TXLNB: variants seen among roughly 807,000 people sequenced by gnomAD.
TXLNB encodes beta-taxilin.
A neutral mutation model predicts 57.4 loss-of-function variants in TXLNB; 37 were observed. The observed-to-expected ratio is 0.64, with a 90% confidence interval of 0.50 to 0.85. The LOEUF is 0.85. TXLNB is among the 40% of genes least tolerant of loss of function. The pLI is 0.00. For synonymous variants in TXLNB, 302 were observed against 309.6 expected (o/e 0.98, Z 0.26); for missense variants, 848 against 825.6 (o/e 1.03, Z -0.33).
intron 7 of TXLNB, among the ~76,000 whole-genome samples, chr6:139,249,750 C>T (rs1490307180): frequency 2.6e-5 from 4 of 152,118 alleles, no homozygotes; most frequent in Non-Finnish European, 5.9e-5. Context: ...TAACATAAAT[C>T]ATTTCGGTAG....
At chr6:139,226,920 G>A in the TXLNB span, among the ~76,000 whole-genome samples, 77 of 152,162 alleles carry the variant, frequency 5.1e-4, no homozygotes, top group African/African-American at 1.3e-3. Context: ...CCAGCTACGC[G>A]GGAGGCTTAG....
chr6:139,278,434 T>C (rs1180416645), intron 2 of TXLNB, among the ~76,000 whole-genome samples: 9 of 152,240 alleles, frequency 5.9e-5, no homozygotes, highest in Admixed American at 5.9e-4. Flanking sequence ...TCTCCAATTA[T>C]GGCCTGTGGC....
the TXLNB span, among the ~76,000 whole-genome samples, chr6:139,216,368 G>T: frequency 6.7e-6 from 1 of 150,020 alleles, no homozygotes; most frequent in Non-Finnish European, 1.5e-5. Context: ...GCAAACTATC[G>T]CAAGGACAAA....
chr6:139,254,262 A>T (rs1368668126), intron 7 of TXLNB, among the ~76,000 whole-genome samples: 3 of 152,106 alleles, frequency 2.0e-5, no homozygotes, highest in African/African-American at 7.3e-5. Context: ...GCAGTAGTAT[A>T]ATCTGTGATT....
the TXLNB span, among the ~76,000 whole-genome samples, chr6:139,182,073 A>G: frequency 1.3e-5 from 2 of 152,220 alleles, no homozygotes; most frequent in Non-Finnish European, 2.9e-5. Context: ...CTGACTTCAT[A>G]TACTGTGATC....
At chr6:139,174,927 G>T in the TXLNB span, among the ~76,000 whole-genome samples, 7 of 152,082 alleles carry the variant, frequency 4.6e-5, no homozygotes, top group African/African-American at 1.7e-4. Flanking sequence ...GATTCTGTAT[G>T]ATTAGCTTAT....
intron 4 of TXLNB, among the ~76,000 whole-genome samples, chr6:139,268,427 A>C (rs1776671811): frequency 6.6e-6 from 1 of 152,184 alleles, no homozygotes; most frequent in Non-Finnish European, 1.5e-5. Context: ...TACACCCAAC[A>C]TCTGAAAAAC....
At chr6:139,192,022 A>G in the TXLNB span, among the ~76,000 whole-genome samples, 4 of 152,194 alleles carry the variant, frequency 2.6e-5, no homozygotes, top group Non-Finnish European at 5.9e-5. Context: ...TTTTGAGTTG[A>G]TAATCCCTTA....
At chr6:139,314,582 T>A in the TXLNB span, among the ~76,000 whole-genome samples, 1 of 152,240 alleles carries the variant, frequency 6.6e-6, no homozygotes, top group African/African-American at 2.4e-5. Context: ...CCACACGTTC[T>A]CAGGACCTCT....
chr6:139,279,123 T>C (rs1776979865), intron 2 of TXLNB, among the ~76,000 whole-genome samples: 1 of 152,266 alleles, frequency 6.6e-6, no homozygotes, highest in African/African-American at 2.4e-5. Flanking sequence ...ATGTTTTATG[T>C]ATCCTGGAAT....
downstream of TXLNB, among the ~76,000 whole-genome samples, chr6:139,238,333 G>A (rs762803918): frequency 6.6e-6 from 1 of 152,206 alleles, no homozygotes; most frequent in Non-Finnish European, 1.5e-5. Flanking sequence ...GGTGGAGGTT[G>A]CAGTAAGCCG....
the TXLNB span, among the ~76,000 whole-genome samples, chr6:139,217,864 CAAAAAAAAAAA>C: frequency 5.6e-4 from 29 of 51,918 alleles, no homozygotes; most frequent in Non-Finnish European, 6.1e-4. Flanking sequence ...GCAAGAGTCT[CAAAAAAAAAAA>C]AAAAAAAAAA....
At chr6:139,193,694 G>A in the TXLNB span, among the ~76,000 whole-genome samples, 11 of 149,424 alleles carry the variant, frequency 7.4e-5, no homozygotes, top group South Asian at 2.1e-4. Context: ...TTGCTCTGTC[G>A]CCAGGCTGGA....
rs549813707 is a variant in TXLNB at position 139,281,062 on chromosome 6, A to T, written c.425-4141T>A. Among the ~76,000 whole-genome samples the T allele has an allele frequency of 7.1e-3, 1,072 of 151,934 alleles. 3 individuals carry two copies. The highest frequency in any genetic ancestry group is 0.012 in the Non-Finnish European group (782 of 67,928). ...GAGTGATTTATTTATTTATTTTTTT[A>T]TTTTTTTATTTTTATTATTTTGTGT... On this transcript the variant is annotated intron_variant, in intron 2 of 9. Coordinates refer to ENST00000358430, the MANE Select transcript of TXLNB (RefSeq NM_153235.4).
At chr6:139,296,034 AC>A (rs34197940), upstream of TXLNB, among the ~76,000 whole-genome samples, 197 of 149,496 alleles carry the variant, frequency 1.3e-3, 2 homozygotes, top group East Asian at 0.022. Context: ...TAGAACCTTG[AC>A]CCCCCCCTCC....
At chr6:139,191,746 G>A in the TXLNB span, among the ~76,000 whole-genome samples, 1 of 152,172 alleles carries the variant, frequency 6.6e-6, no homozygotes, top group Admixed American at 6.5e-5. Flanking sequence ...TGGGTGTGGG[G>A]CGGTGTACCT....
At chr6:139,224,088 C>T in the TXLNB span, among the ~76,000 whole-genome samples, 16 of 146,704 alleles carry the variant, frequency 1.1e-4, no homozygotes, top group East Asian at 2.0e-3. Flanking sequence ...AAATGTGGCA[C>T]ATATACACCA....
chr6:139,201,284 C>A, the TXLNB span, among the ~76,000 whole-genome samples: 2 of 152,162 alleles, frequency 1.3e-5, no homozygotes, highest in Admixed American at 6.5e-5. Context: ...ATAGAACAGA[C>A]AGAATCAAAA....
At chr6:139,188,026 C>T in the TXLNB span, among the ~76,000 whole-genome samples, 6 of 152,094 alleles carry the variant, frequency 3.9e-5, no homozygotes, top group African/African-American at 7.2e-5. Flanking sequence ...CTTATTTTAC[C>T]GATGAGGAAA....
Sources: gnomAD v4.1 joint callset for allele counts (sites outside exome capture counted in the v4.1 genomes callset) on GRCh38, gnomAD v4.1.1 for gene constraint, MANE v1.5 for transcripts, NCBI Gene and HGNC (gene_info 2026-07-23, HGNC 2026-07-21) for gene names.